BRINP1: variants seen among roughly 807,000 people sequenced by gnomAD.
BRINP1 encodes BMP/retinoic acid-inducible neural-specific protein 1.
A neutral mutation model predicts 72.9 loss-of-function variants in BRINP1; 17 were observed. The observed-to-expected ratio is 0.23, with a 90% CI of 0.16 to 0.35. The LOEUF (loss-of-function observed/expected upper bound fraction) is 0.35, where lower values mean the gene tolerates loss of function less well. BRINP1 is among the 10% of genes least tolerant of loss of function. BRINP1 has a pLI of 1.00. For missense variants in BRINP1, 850 were observed against 1,001.6 expected, an observed-to-expected ratio of 0.85 and a Z score of 2.04; for synonymous variants, 418 against 378.5, an observed-to-expected ratio of 1.10 and a Z score of -1.21.
intron 7 of BRINP1, among the ~76,000 whole-genome samples, chr9:119,195,871 C>G (rs778843230): frequency 2.0e-5 from 3 of 152,200 alleles, no homozygotes; most frequent in Non-Finnish European, 4.4e-5. Flanking sequence ...GCTTCTTAAT[C>G]TGGTGTAAAC....
chr9:119,175,738 G>GCAGT (rs1277803281), intron 7 of BRINP1, among the ~76,000 whole-genome samples: 22 of 152,110 alleles, frequency 1.4e-4, no homozygotes, highest in Non-Finnish European at 2.9e-5. Context: ...AATATGCAAG[G>GCAGT]CAGTCAGCTT....
intron 5 of BRINP1, among the ~76,000 whole-genome samples, chr9:119,238,381 T>A (rs1358494987): frequency 1.3e-5 from 2 of 149,820 alleles, no homozygotes; most frequent in African/African-American, 4.8e-5. Context: ...TAGATATTTA[T>A]AAATACAAAT....
intron 1 of BRINP1, among the ~76,000 whole-genome samples, chr9:119,330,851 C>T (rs1432809633): frequency 1.3e-5 from 2 of 151,958 alleles, no homozygotes; most frequent in Non-Finnish European, 2.9e-5. Flanking sequence ...CATAGTGAAA[C>T]CCCATCTCTA....
At chr9:119,214,641 G>A (rs1348448931) in intron 5 of BRINP1, among the ~76,000 whole-genome samples, 1 of 149,524 alleles carries the variant, frequency 6.7e-6, no homozygotes, top group East Asian at 1.9e-4. Context: ...AATATAATCA[G>A]CAGGTGTAGA....
At chr9:119,189,765 C>T (rs1397384524) in intron 7 of BRINP1, among the ~76,000 whole-genome samples, 1 of 151,852 alleles carries the variant, frequency 6.6e-6, no homozygotes, top group African/African-American at 2.4e-5. Flanking sequence ...ATAGATCAAG[C>T]AGACAGAAAA....
chr9:119,345,635 A>G (rs997128868), intron 1 of BRINP1, among the ~76,000 whole-genome samples: 1 of 152,132 alleles, frequency 6.6e-6, no homozygotes, highest in African/African-American at 2.4e-5. Flanking sequence ...TTGTACCATT[A>G]GTTCTAATTA....
Position 119,238,773 on chromosome 9 carries a change from T to C in BRINP1, c.580-13A>G, listed in dbSNP as rs780671406. On this transcript the variant is annotated splice_polypyrimidine_tract_variant and intron_variant, in intron 4 of 7. Coordinates refer to ENST00000265922, the MANE Select transcript of BRINP1 (RefSeq NM_014618.3). The stretch of plus-strand genomic sequence containing the variant: ...GTGTCTCTGTGACCTGCAGTAGATA[T>C]CAAATAAGATAGGTGTGAGACAGCA... The C allele has an allele frequency of 1.3e-6, 2 of 1,530,168 alleles. No individual in the cohort carries two copies. Among genetic ancestry groups the C allele is most frequent in the Admixed American group, 3.5e-5 (2 of 57,486 alleles). 94.8% of individuals were successfully genotyped at this position (1,530,168 alleles called of 1,614,324 possible).
intron 3 of BRINP1, among the ~76,000 whole-genome samples, chr9:119,247,549 G>C (rs1469662137): frequency 2.0e-5 from 3 of 151,786 alleles, no homozygotes; most frequent in Non-Finnish European, 4.4e-5. Flanking sequence ...CAGCTGCTCG[G>C]CGGGCTGAGG....
At chr9:119,353,253 C>T (rs1233028194) in intron 1 of BRINP1, among the ~76,000 whole-genome samples, 1 of 152,110 alleles carries the variant, frequency 6.6e-6, no homozygotes, top group Admixed American at 6.6e-5. Flanking sequence ...CATTGTGGTG[C>T]TCTTCCTCTT....
intron 1 of BRINP1, among the ~76,000 whole-genome samples, chr9:119,350,732 C>G (rs1384279330): frequency 2.0e-5 from 3 of 152,064 alleles, no homozygotes; most frequent in Non-Finnish European, 2.9e-5. Context: ...AGTACTAGCC[C>G]TGGCCGGCTC....
chr9:119,328,649 G>GGT (rs1831263108), intron 1 of BRINP1, among the ~76,000 whole-genome samples: 1 of 152,184 alleles, frequency 6.6e-6, no homozygotes, highest in African/African-American at 2.4e-5. Flanking sequence ...GGAGCCATAG[G>GGT]CTGATAACGG....
chr9:119,313,000 A>G (rs1831084548), intron 2 of BRINP1, 138 bp downstream of exon 2: 2 of 982,478 alleles, frequency 2.0e-6, no homozygotes, highest in Middle Eastern at 3.4e-4. Context: ...AAAAAAATTA[A>G]TCAAAAACAG....
At chr9:119,176,962 C>T (rs551295910) in intron 7 of BRINP1, among the ~76,000 whole-genome samples, 1 of 152,208 alleles carries the variant, frequency 6.6e-6, no homozygotes, top group African/African-American at 2.4e-5. Context: ...GGCGATAAAA[C>T]CTCCCTGACA....
chr9:119,246,713 C>T (rs1301364983), intron 3 of BRINP1, among the ~76,000 whole-genome samples: 2 of 152,190 alleles, frequency 1.3e-5, no homozygotes, highest in Admixed American at 6.5e-5. Context: ...AACTTCCCAC[C>T]TCCCTTCTCT....
intron 1 of BRINP1, among the ~76,000 whole-genome samples, chr9:119,351,526 T>C (rs1831507890): frequency 6.6e-6 from 1 of 151,946 alleles, no homozygotes; most frequent in Non-Finnish European, 1.5e-5. Context: ...TAGTTCATCA[T>C]GTGTATACAA....
intron 1 of BRINP1, among the ~76,000 whole-genome samples, chr9:119,321,252 G>A (rs1009744719): frequency 3.3e-5 from 5 of 152,070 alleles, no homozygotes; most frequent in Non-Finnish European, 7.4e-5. Flanking sequence ...TTTTATACAT[G>A]GTGAGGAGGG....
chr9:119,213,628 C>T (rs1487515775), intron 6 of BRINP1: 1 of 563,942 alleles, frequency 1.8e-6, no homozygotes, highest in East Asian at 2.9e-5. Flanking sequence ...CTGACTCTTC[C>T]CTCTCCAGAG....
rs150573785 is a variant in BRINP1, at chr9:119,168,366, G to A, written c.1146-142C>T. On this transcript the variant is annotated intron_variant, in intron 7 of 7. Transcript: ENST00000265922. The stretch of plus-strand genomic sequence containing the variant: ...GCAGTGACAATACAGGAAGGGCATC[G>A]AATATAAACGTAAGAACTACATTGT... 550 of 603,878 alleles carry A rather than the reference G, an allele frequency of 9.1e-4. 1 individual carries two copies. Among genetic ancestry groups the A allele is most frequent in the East Asian group, 3.8e-3 (129 of 33,622 alleles). The allele number at this position is 603,878 out of a possible 1,614,324, so 37.4% of individuals were successfully genotyped here. A position where few individuals can be genotyped will look rare whatever the true frequency, so the allele number is the denominator to read the frequency against.
intron 4 of BRINP1, 85 bp downstream of exon 4, chr9:119,241,962 C>T (rs965474914): frequency 7.0e-6 from 10 of 1,428,256 alleles, no homozygotes; most frequent in Admixed American, 3.9e-5. Context: ...CCAGAAATTA[C>T]ATCTGTCCAT....
Sources: gnomAD v4.1 joint callset for allele counts (sites outside exome capture counted in the v4.1 genomes callset) on GRCh38, gnomAD v4.1.1 for gene constraint, MANE v1.5 for transcripts, NCBI Gene and HGNC (gene_info 2026-07-23, HGNC 2026-07-21) for gene names.